Variants in HNF4A observed in about 807,000 individuals in gnomAD.
HNF4A encodes the protein hepatocyte nuclear factor 4-alpha.
In HNF4A, 15 loss-of-function variants were observed where a neutral mutation model predicts 52.4. The observed-to-expected ratio is 0.29, with a 90% confidence interval of 0.19 to 0.44. The LOEUF (loss-of-function observed/expected upper bound fraction) is 0.44. HNF4A is among the 20% of genes least tolerant of loss of function. The pLI, the probability that HNF4A is intolerant of heterozygous loss-of-function variation, is 1.00. For missense variants in HNF4A, 479 were observed against 647.2 expected (o/e 0.74, Z 2.82); for synonymous variants, 280 against 264.4 (o/e 1.06, Z -0.57).
chr20:44,389,133 T>A (rs943556430), intron 1 of HNF4A, among the ~76,000 whole-genome samples: 1 of 152,218 alleles, frequency 6.6e-6, no homozygotes, highest in East Asian at 1.9e-4. Flanking sequence ...CAAAGTGGCA[T>A]CTCATTGGAG....
upstream of HNF4A, among the ~76,000 whole-genome samples, chr20:44,399,114 T>C (rs115357132): frequency 0.018 from 2,669 of 152,124 alleles, 35 homozygotes; most frequent in South Asian, 0.05. Context: ...ACCTCTGCAC[T>C]GCCCCCAAGG....
At chr20:44,383,732 T>G (rs2063184358) in intron 1 of HNF4A, among the ~76,000 whole-genome samples, 1 of 152,054 alleles carries the variant, frequency 6.6e-6, no homozygotes, top group Non-Finnish European at 1.5e-5. Context: ...TTTTGCATTT[T>G]AAGTAGAGAC....
chr20:44,429,431 G>T, intron 9 of HNF4A, 92 bp from the exon 10 acceptor site: 3 of 1,398,090 alleles, frequency 2.1e-6, no homozygotes, highest in Non-Finnish European at 2.0e-6. Flanking sequence ...GGTGGGGCAG[G>T]GTGGGAGGGG....
chr20:44,418,549 A>G (rs1361151041), intron 6 of HNF4A, 37 bp downstream of exon 6: 36 of 1,488,958 alleles, frequency 2.4e-5, no homozygotes, highest in Non-Finnish European at 3.2e-5. Context: ...GGCTCCAGGG[A>G]GGGTATGCCT....
chr20:44,390,619 C>T (rs1224117774), intron 1 of HNF4A: 1 of 702,400 alleles, frequency 1.4e-6, no homozygotes, highest in South Asian at 1.5e-5. Context: ...CTGTGCGGGA[C>T]CCCATAGCAG....
At chr20:44,382,414 T>G (rs548831208) in intron 1 of HNF4A, among the ~76,000 whole-genome samples, 2 of 152,130 alleles carry the variant, frequency 1.3e-5, no homozygotes, top group African/African-American at 4.8e-5. Context: ...AATTTTTGTA[T>G]TTTTAGTAGA....
At chr20:44,389,044 GC>G (rs1016707272) in intron 1 of HNF4A, among the ~76,000 whole-genome samples, 10 of 152,176 alleles carry the variant, frequency 6.6e-5, no homozygotes, top group Admixed American at 5.9e-4. Context: ...CCTCAGGTGC[GC>G]CCCTTGCCCT....
At chr20:44,372,927 G>A (rs1331648334) in intron 1 of HNF4A, 1 of 152,260 alleles carries the variant, frequency 6.6e-6, no homozygotes. Context: ...TTGTGCTGCA[G>A]TCGGGAGGGC....
At position 44,401,450 on chromosome 20, in the gene HNF4A, G is replaced by A; in HGVS notation, c.78G>A (p.Leu26=). 6.2e-7 allele frequency: 1 copy of A among 1,614,228 alleles called. No individual in the cohort carries two copies. The highest frequency in any genetic ancestry group is 1.1e-5 in the South Asian group (1 of 91,084). Residue 26 remains leucine (L), a synonymous_variant, in exon 1 of 10, where the codon CTG becomes CTA. Transcript: ENST00000316099. The stretch of plus-strand genomic sequence containing the variant: ...CACTGGACCCAGCCTACACCACCCT[G>A]GAATTTGAGAATGTGCAGGTGTTGA...
At chr20:44,384,354 G>A (rs1309186712) in intron 1 of HNF4A, among the ~76,000 whole-genome samples, 1 of 152,024 alleles carries the variant, frequency 6.6e-6, no homozygotes, top group Non-Finnish European at 1.5e-5. Flanking sequence ...GTAAAAAGAA[G>A]TGAGTTGATG....
In HNF4A at chr20:44,427,272, G is replaced by A. The variant is rs1401630565; in HGVS notation, c.1130-1063G>A. On this transcript the variant is annotated intron_variant, in intron 8 of 9. Transcript: ENST00000316099. ...GTGAACATGGGGTTATTATGAATCA[G>A]GTGTCATTGAGATCAGGATCAGGAG... is the stretch of plus-strand genomic sequence containing the variant. 4.6e-5 allele frequency among the ~76,000 whole-genome samples: 7 copies of A among 152,168 alleles called. No homozygotes were observed. The South Asian group carries it at 1.4e-3, about 31-fold the overall frequency.
intron 7 of HNF4A, 64 bp downstream of exon 7, chr20:44,419,940 C>T: frequency 6.6e-7 from 1 of 1,517,422 alleles, no homozygotes. Context: ...CAGACTTCTC[C>T]TATTGGGTTC....
intron 8 of HNF4A, among the ~76,000 whole-genome samples, chr20:44,425,974 C>T (rs1036586680): frequency 4.6e-5 from 7 of 152,076 alleles, no homozygotes; most frequent in Admixed American, 4.6e-4. Context: ...TGTGGACTTT[C>T]ATTAAGCATG....
intron 1 of HNF4A, chr20:44,401,511 G>T (rs769685329): frequency 5.6e-6 from 9 of 1,613,914 alleles, no homozygotes; most frequent in South Asian, 4.4e-5. Flanking sequence ...GATGTGCCCA[G>T]GTGTGCCAGT....
At chr20:44,397,976 T>C (rs2868094), upstream of HNF4A, among the ~76,000 whole-genome samples, 59,247 of 151,982 alleles carry the variant, frequency 0.39, 12,807 homozygotes, top group African/African-American at 0.59. Flanking sequence ...ACCCCAATGT[T>C]TTCCTTTTCC....
At chr20:44,371,319 C>T (rs898788727) in intron 1 of HNF4A, among the ~76,000 whole-genome samples, 5 of 152,146 alleles carry the variant, frequency 3.3e-5, no homozygotes, top group East Asian at 1.9e-4. Flanking sequence ...ATCTTGTCGC[C>T]GAGGCTGGAA....
chr20:44,392,544 A>C (rs924098266), intron 1 of HNF4A, among the ~76,000 whole-genome samples: 2 of 152,166 alleles, frequency 1.3e-5, no homozygotes, highest in African/African-American at 4.8e-5. Flanking sequence ...GGGTCTCACT[A>C]TGTTGCCCAG....
chr20:44,366,995 T>C (rs2062976006), intron 1 of HNF4A, among the ~76,000 whole-genome samples: 1 of 152,150 alleles, frequency 6.6e-6, no homozygotes, highest in South Asian at 2.1e-4. Flanking sequence ...TTGTTTTTCA[T>C]CCTTGTATAA....
intron 1 of HNF4A, among the ~76,000 whole-genome samples, chr20:44,363,559 T>A (rs2062939484): frequency 6.6e-6 from 1 of 151,806 alleles, no homozygotes; most frequent in Non-Finnish European, 1.5e-5. Context: ...TGTGGCTCCT[T>A]CACAGAGGAG....
Sources: allele counts gnomAD v4.1 joint callset (sites outside exome capture counted in the v4.1 genomes callset), GRCh38; gene constraint gnomAD v4.1.1; transcripts MANE v1.5; gene names NCBI Gene and HGNC (gene_info 2026-07-23, HGNC 2026-07-21).